CACUL1: variants seen among roughly 807,000 people sequenced by gnomAD.
CACUL1 encodes the protein CDK2-associated and cullin domain-containing protein 1.
In CACUL1, 13 loss-of-function variants were observed where a neutral mutation model predicts 45.2. The observed-to-expected ratio is 0.29, with a 90% CI of 0.19 to 0.46. CACUL1 has a LOEUF of 0.46. CACUL1 is among the 20% of genes least tolerant of loss of function. The pLI, the probability that CACUL1 is intolerant of heterozygous loss-of-function variation, is 1.00. For missense variants in CACUL1, 421 were observed against 471.4 expected (o/e 0.89, Z 0.99); for synonymous variants, 197 against 174.2 (o/e 1.13, Z -1.03).
intron 3 of CACUL1, among the ~76,000 whole-genome samples, chr10:118,728,906 T>C (rs1845675206): frequency 1.3e-5 from 2 of 152,130 alleles, no homozygotes; most frequent in African/African-American, 4.8e-5. Flanking sequence ...GTATTATAAA[T>C]CAGTAGGCAA....
chr10:118,716,759 C>T (rs916613625), intron 3 of CACUL1, among the ~76,000 whole-genome samples: 5 of 152,082 alleles, frequency 3.3e-5, no homozygotes, highest in Admixed American at 1.3e-4. Flanking sequence ...CCCGCCACCA[C>T]GCCTGCCTAA....
intron 2 of CACUL1, 63 bp from the exon 3 acceptor site, chr10:118,729,460 G>GT (rs1253395973): frequency 8.8e-7 from 1 of 1,139,160 alleles, no homozygotes; most frequent in African/African-American, 1.5e-5. Flanking sequence ...CTCAGTCCAA[G>GT]GTTAAAGCAC....
At chr10:118,741,542 C>T (rs1184530195) in intron 1 of CACUL1, among the ~76,000 whole-genome samples, 9 of 152,068 alleles carry the variant, frequency 5.9e-5, no homozygotes, top group Non-Finnish European at 5.9e-5. Flanking sequence ...GACAGCTACC[C>T]GTCATCCAAA....
chr10:118,729,239 C>G, intron 3 of CACUL1, 56 bp downstream of exon 3: 1 of 1,169,170 alleles, frequency 8.6e-7, no homozygotes, highest in South Asian at 1.3e-5. Context: ...GAAAAGCTAA[C>G]TGCAACCAGT....
At chr10:118,713,409 T>A (rs978945699) in intron 3 of CACUL1, among the ~76,000 whole-genome samples, 1 of 152,180 alleles carries the variant, frequency 6.6e-6, no homozygotes, top group Admixed American at 6.5e-5. Context: ...GAAGAGGCTC[T>A]TGCCGGCTCC....
intron 1 of CACUL1, among the ~76,000 whole-genome samples, chr10:118,735,982 G>A (rs1201023173): frequency 2.0e-5 from 3 of 152,014 alleles, no homozygotes; most frequent in Admixed American, 6.6e-5. Context: ...GAAAAATGAT[G>A]ACTTTTTGTC....
At position 118,754,397 on chromosome 10, in the gene CACUL1, G is replaced by A. The variant is rs1467836900; in HGVS notation, c.366C>T (p.Phe122=). 1 of 1,554,354 alleles carries A rather than the reference G, an allele frequency of 6.4e-7. No individual in the cohort carries two copies. The highest frequency in any genetic ancestry group is 2.1e-5 in the Admixed American group (1 of 48,722). ...GCTGCAGGGAAAGGCTGGACTCACAGAACTTGGAGGTGGAGGTGTTGATGT... is the reference window on the plus strand; with the variant it reads ...GCTGCAGGGAAAGGCTGGACTCACAAAACTTGGAGGTGGAGGTGTTGATGT... ...TININTSTSK[F]LMNVITIEDY... Residue 122 remains phenylalanine (F), a splice_region_variant and synonymous_variant, in exon 1 of 9, where the codon TTC becomes TTT. Transcript: ENST00000369151.
chr10:118,732,511 C>T (rs1473185244), intron 1 of CACUL1, among the ~76,000 whole-genome samples: 1 of 152,140 alleles, frequency 6.6e-6, no homozygotes, highest in Non-Finnish European at 1.5e-5. Flanking sequence ...GCTCTGCTTG[C>T]GGGAGGAGCA....
intron 3 of CACUL1, among the ~76,000 whole-genome samples, chr10:118,707,857 G>T (rs1037832035): frequency 6.6e-6 from 1 of 152,058 alleles, no homozygotes; most frequent in African/African-American, 2.4e-5. Flanking sequence ...GCATAAAAAG[G>T]TGCACTAAGG....
chr10:118,719,982 A>G (rs950648561), intron 3 of CACUL1, among the ~76,000 whole-genome samples: 1 of 152,226 alleles, frequency 6.6e-6, no homozygotes, highest in Non-Finnish European at 1.5e-5. Context: ...CATATTAGAC[A>G]CTTCTCATAT....
intron 4 of CACUL1, among the ~76,000 whole-genome samples, chr10:118,704,068 C>T (rs1365882564): frequency 2.0e-5 from 3 of 151,362 alleles, no homozygotes; most frequent in Non-Finnish European, 2.9e-5. Context: ...GGTGACAGAG[C>T]GAGACTCCGT....
intron 1 of CACUL1, among the ~76,000 whole-genome samples, chr10:118,743,496 G>GTTTCTTTAATAA (rs1845811299): frequency 6.6e-6 from 1 of 152,088 alleles, no homozygotes; most frequent in Non-Finnish European, 1.5e-5. Flanking sequence ...AATAAGGCCG[G>GTTTCTTTAATAA]GTGCAGTGGC....
intron 7 of CACUL1, among the ~76,000 whole-genome samples, chr10:118,689,289 T>G (rs1038976529): frequency 1.3e-5 from 2 of 152,210 alleles, no homozygotes; most frequent in African/African-American, 4.8e-5. Flanking sequence ...CTGGCCAGTA[T>G]GAGTAAGCTC....
intron 2 of CACUL1, among the ~76,000 whole-genome samples, chr10:118,729,975 T>C (rs539354343): frequency 2.6e-5 from 4 of 152,222 alleles, no homozygotes. Flanking sequence ...CAGATTAAGG[T>C]CTCCCTCTGA....
chr10:118,678,317 A>C lies in CACUL1; in HGVS notation c.*7811T>G, dbSNP rs1307110478. The stretch of plus-strand genomic sequence containing the variant: ...GTAGCCAAATTACTTATCTACTGAT[A>C]GTCTGCATTTTCTATCTTGTTGATG... On this transcript the variant is annotated 3_prime_UTR_variant, in exon 9 of 9. Transcript: ENST00000369151. The C allele has an allele frequency of 6.6e-6, 1 of 152,238 alleles. No homozygotes were observed. The highest frequency in any genetic ancestry group is 1.5e-5 in the Non-Finnish European group (1 of 68,046). The allele number at this position is 152,238 out of a possible 1,614,324, so 9.4% of individuals were successfully genotyped here. A position where few individuals can be genotyped will look rare whatever the true frequency, so the allele number is the denominator to read the frequency against.
In CACUL1 at chr10:118,678,784, G is replaced by C. The variant is rs1438597665; in HGVS notation, c.*7344C>G. On this transcript the variant is annotated 3_prime_UTR_variant, in exon 9 of 9. Transcript: ENST00000369151. ...CATTTTGAATACACTGTTAGACTTG[G>C]TTTGCAAAAACTTATTTTCCTACTG... The C allele has an allele frequency of 8.6e-5, 13 of 152,044 alleles. No homozygotes were observed. 9.4% of individuals were successfully genotyped at this position (152,044 alleles called of 1,614,324 possible). A position where few individuals can be genotyped will look rare whatever the true frequency, so the allele number is the denominator to read the frequency against.
Position 118,744,695 on chromosome 10 carries a change from G to A in CACUL1, c.367+9701C>T, listed in dbSNP as rs141448851. 1.3e-3 allele frequency among the ~76,000 whole-genome samples: 199 copies of A among 152,216 alleles called. 1 individual carries two copies. Among genetic ancestry groups the A allele is most frequent in the African/African-American group, 4.5e-3 (187 of 41,532 alleles). ...GGCAGGAACAGATTCTCGTCATGTC[G>A]CCCAGCTTGGAGTGCAATGATGCGG... On this transcript the variant is annotated intron_variant, in intron 1 of 8. Coordinates refer to ENST00000369151, the MANE Select transcript of CACUL1 (RefSeq NM_153810.5).
intron 3 of CACUL1, among the ~76,000 whole-genome samples, chr10:118,721,749 T>C (rs1377227922): frequency 6.6e-6 from 1 of 152,216 alleles, no homozygotes; most frequent in Non-Finnish European, 1.5e-5. Context: ...AAAAGAACTG[T>C]TAATGGGTCA....
intron 3 of CACUL1, among the ~76,000 whole-genome samples, chr10:118,712,328 A>ACCAAAGGGCC (rs752304914): frequency 2.0e-5 from 3 of 152,118 alleles, no homozygotes; most frequent in Non-Finnish European, 4.4e-5. Context: ...AACTCCAAGA[A>ACCAAAGGGCC]CCAAAGGGCC....
Sources: gnomAD v4.1 joint callset for allele counts (sites outside exome capture counted in the v4.1 genomes callset) on GRCh38, gnomAD v4.1.1 for gene constraint, MANE v1.5 for transcripts, NCBI Gene and HGNC (gene_info 2026-07-23, HGNC 2026-07-21) for gene names.